The following FUT8 variants were observed in gnomAD, a reference collection of about 807,000 sequenced individuals.
FUT8 encodes the protein fucosyltransferase 8.
A neutral mutation model predicts 71.3 loss-of-function variants in FUT8; 29 were observed. That is an observed-to-expected ratio of 0.41 (90% CI 0.30 to 0.55). FUT8 has a LOEUF of 0.55. Ranked by LOEUF, FUT8 falls within the 20% of genes least tolerant of loss-of-function variation. The pLI is 0.34. For missense variants in FUT8, 544 were observed against 702.1 expected (o/e 0.77, Z 2.55); for synonymous variants, 254 against 239.3 (o/e 1.06, Z -0.57).
intron 1 of FUT8, among the ~76,000 whole-genome samples, chr14:65,424,223 C>G (rs2065347609): frequency 6.6e-6 from 1 of 152,190 alleles, no homozygotes; most frequent in Admixed American, 6.5e-5. Flanking sequence ...GTACTTTAAG[C>G]AAATATTCAC....
intron 9 of FUT8, among the ~76,000 whole-genome samples, chr14:65,730,139 G>C (rs1895901484): frequency 6.6e-6 from 1 of 152,064 alleles, no homozygotes; most frequent in Admixed American, 6.6e-5. Flanking sequence ...TAGTATCCAA[G>C]GTAATCATTG....
At chr14:65,463,355 C>G (rs1418632391) in intron 2 of FUT8, among the ~76,000 whole-genome samples, 1 of 152,166 alleles carries the variant, frequency 6.6e-6, no homozygotes, top group African/African-American at 2.4e-5. Context: ...CAGCCTTGAC[C>G]TCCTTGGCTC....
intron 2 of FUT8, among the ~76,000 whole-genome samples, chr14:65,548,522 A>T (rs1177533401): frequency 6.6e-6 from 1 of 151,860 alleles, no homozygotes; most frequent in Non-Finnish European, 1.5e-5. Flanking sequence ...GTCTGTTATG[A>T]ATAAAGCTGC....
intron 2 of FUT8, among the ~76,000 whole-genome samples, chr14:65,536,969 CTTTT>C (rs57549287): frequency 4.8e-5 from 6 of 124,556 alleles, no homozygotes; most frequent in Non-Finnish European, 6.8e-5. Context: ...TCTTCTTCTT[CTTTT>C]TTTTTTTTTT....
chr14:65,706,441 G>A (rs1894556977), intron 7 of FUT8, among the ~76,000 whole-genome samples: 1 of 152,174 alleles, frequency 6.6e-6, no homozygotes, highest in Non-Finnish European at 1.5e-5. Context: ...AGTGTTACCT[G>A]TCCTTAGTAA....
chr14:65,467,818 A>G lies in FUT8; in HGVS notation c.-228+12100A>G. On this transcript the variant is annotated intron_variant, in intron 2 of 10. Transcript: ENST00000673929. This position sits in a 1 kb window ranked among gnomAD's most constrained non-coding sequence, Gnocchi z 4.1. ...TTTTTTAACACCTGTTATGCTATGA[A>G]TTCACAGGGAATAGGTTCCAGCAGC... 6 of 752,472 alleles carry G rather than the reference A, an allele frequency of 8.0e-6. No homozygotes were observed. The highest frequency in any genetic ancestry group is 1.2e-5 in the Non-Finnish European group (5 of 404,040). The allele number at this position is 752,472 out of a possible 1,614,324, so 46.6% of individuals were successfully genotyped here.
At chr14:65,536,656 C>T (rs1266581012) in intron 2 of FUT8, among the ~76,000 whole-genome samples, 2 of 151,992 alleles carry the variant, frequency 1.3e-5, no homozygotes, top group African/African-American at 2.4e-5. Flanking sequence ...TGTAGGTGGC[C>T]TGTTCTATCT....
chr14:65,488,578 C>A (rs918156699), intron 2 of FUT8: 1 of 152,194 alleles, frequency 6.6e-6, no homozygotes, highest in African/African-American at 2.4e-5. Context: ...TACATTTTGA[C>A]TACAGGTGAG....
At chr14:65,508,727 C>T (rs1438379364) in intron 2 of FUT8, among the ~76,000 whole-genome samples, 2 of 151,602 alleles carry the variant, frequency 1.3e-5, no homozygotes, top group Non-Finnish European at 2.9e-5. Context: ...GTCTTGAACT[C>T]CTGACCTCAG....
chr14:65,527,994 T>A (rs377464623), intron 2 of FUT8, among the ~76,000 whole-genome samples: 9 of 152,040 alleles, frequency 5.9e-5, no homozygotes, highest in African/African-American at 2.2e-4. Flanking sequence ...TACTCGGGGG[T>A]CAGTGACCTA....
chr14:65,484,578 G>C (rs2066381267), intron 2 of FUT8, among the ~76,000 whole-genome samples: 1 of 152,088 alleles, frequency 6.6e-6, no homozygotes, highest in African/African-American at 2.4e-5. Context: ...GGAGGCTGAG[G>C]TGCAAAGATT....
rs539321070 is a variant in FUT8 at position 65,627,985 on chromosome 14, G to C, written c.483-1507G>C. Among the ~76,000 whole-genome samples, 1 of 152,286 alleles carries C rather than the reference G, an allele frequency of 6.6e-6. No individual in the cohort carries two copies. Among genetic ancestry groups the C allele is most frequent in the South Asian group, 2.1e-4 (1 of 4,818 alleles). On this transcript the variant is annotated intron_variant, in intron 5 of 10. Coordinates refer to ENST00000673929, the MANE Select transcript of FUT8 (RefSeq NM_001371533.1). The surrounding 1 kb of genome is among the most constrained non-coding windows in gnomAD (Gnocchi z 4.0). The stretch of plus-strand genomic sequence containing the variant: ...AGCTACCTACTCAAACAGGAGGAGA[G>C]GGAAAACCAAGGGTTGAGGGTGATA...
chr14:65,566,679 A>C (rs1886213027), intron 3 of FUT8, among the ~76,000 whole-genome samples: 1 of 151,972 alleles, frequency 6.6e-6, no homozygotes. Flanking sequence ...CACTGAAATT[A>C]ATGATTGAAT....
In FUT8 at chr14:65,733,293, G is replaced by A. The variant is rs758856033; in HGVS notation, c.1322G>A (p.Arg441Gln). The A allele has an allele frequency of 1.9e-6, 3 of 1,608,380 alleles. No homozygotes were observed. The highest frequency in any genetic ancestry group is 1.3e-5 in the African/African-American group (1 of 74,688). Residue 441 changes from arginine (R) to glutamine (Q), a missense_variant, in exon 10 of 11, where the codon CGA becomes CAA. By Grantham distance (43) the Arg-to-Gln change is conservative. Coordinates refer to ENST00000673929, the MANE Select transcript of FUT8 (RefSeq NM_001371533.1). Reference sequence around the variant, plus strand: ...TCCTGGTCAGCTGGACTGCACAATCGATACACAGAAAATTCACTTCGTGGA... The same window carrying A: ...TCCTGGTCAGCTGGACTGCACAATCAATACACAGAAAATTCACTTCGTGGA... ...SISWSAGLHN[R>Q]YTENSLRGVI... is the part of the protein sequence containing the mutation.
chr14:65,572,101 C>A (rs1594778902), intron 3 of FUT8, among the ~76,000 whole-genome samples: 1 of 152,130 alleles, frequency 6.6e-6, no homozygotes, highest in African/African-American at 2.4e-5. Flanking sequence ...AGGAGAGTTG[C>A]AGCTCATAAT....
At chr14:65,608,076 A>AC (rs1888679742) in intron 3 of FUT8, among the ~76,000 whole-genome samples, 1 of 151,542 alleles carries the variant, frequency 6.6e-6, no homozygotes, top group African/African-American at 2.4e-5. Flanking sequence ...AAAAAAAAAA[A>AC]AAAAAATGCT....
chr14:65,574,304 T>C lies in FUT8; in HGVS notation c.203+12538T>C, dbSNP rs571244819. 6.6e-5 allele frequency among the ~76,000 whole-genome samples: 10 copies of C among 152,248 alleles called. No individual in the cohort carries two copies. The highest frequency in any genetic ancestry group is 1.0e-4 in the Non-Finnish European group (7 of 68,024). On this transcript the variant is annotated intron_variant, in intron 3 of 10. Transcript: ENST00000673929. The surrounding 1 kb of genome is among the most constrained non-coding windows in gnomAD (Gnocchi z 5.2). ...TCATGGAAGATACATTCCATCATCT[T>C]TGCAATATTCTATTGATTAGAGCAA...
chr14:65,664,118 C>T (rs1270781889), intron 6 of FUT8, among the ~76,000 whole-genome samples: 2 of 152,016 alleles, frequency 1.3e-5, no homozygotes, highest in Non-Finnish European at 2.9e-5. Flanking sequence ...ATATGAGGGA[C>T]ATTTTCTTTT....
At chr14:65,452,750 G>A (rs1179053449) in intron 1 of FUT8, among the ~76,000 whole-genome samples, 1 of 152,206 alleles carries the variant, frequency 6.6e-6, no homozygotes, top group Non-Finnish European at 1.5e-5. Flanking sequence ...CTCACACATG[G>A]TTAGGAGTAG....
Sources: gnomAD v4.1 joint callset for allele counts (sites outside exome capture counted in the v4.1 genomes callset) on GRCh38, gnomAD v4.1.1 for gene constraint, Gnocchi (gnomAD v3.1) non-coding constraint, MANE v1.5 for transcripts, NCBI Gene and HGNC (gene_info 2026-07-23, HGNC 2026-07-21) for gene names.